Variants in ITPR3 observed in about 807,000 individuals in gnomAD.
The protein encoded by ITPR3 is inositol 1,4,5-trisphosphate-gated calcium channel ITPR3.
Under a neutral mutation model 293.2 loss-of-function variants are expected in ITPR3, and 173 were observed. The ratio of observed to expected loss-of-function variants is 0.59; its 90% CI spans 0.52 to 0.67. The LOEUF (loss-of-function observed/expected upper bound fraction) is 0.67. Ranked by LOEUF, ITPR3 falls within the 30% of genes least tolerant of loss-of-function variation. The pLI is 0.00. For missense variants in ITPR3, 2,796 were observed against 3,592.1 expected, an observed-to-expected ratio of 0.78 and a Z score of 5.66; for synonymous variants, 1,295 against 1,444.4, an observed-to-expected ratio of 0.90 and a Z score of 2.35.
At chr6:33,681,935 C>T (rs1044207889) in intron 33 of ITPR3, among the ~76,000 whole-genome samples, 1 of 151,684 alleles carries the variant, frequency 6.6e-6, no homozygotes, top group Non-Finnish European at 1.5e-5. Flanking sequence ...GGCTAGAGTG[C>T]AGTAGCACAA....
intron 7 of ITPR3, among the ~76,000 whole-genome samples, chr6:33,660,745 G>A (rs4711335): frequency 0.96 from 146,225 of 152,220 alleles, 70,377 homozygotes; most frequent in East Asian, 1. Context: ...CCTGGCCAAC[G>A]TGGAGAAAGC....
At chr6:33,681,313 G>A (rs957654389) in intron 33 of ITPR3, among the ~76,000 whole-genome samples, 6 of 152,226 alleles carry the variant, frequency 3.9e-5, no homozygotes, top group Non-Finnish European at 7.3e-5. Context: ...TAAGGCAGAC[G>A]TGCCATCCAT....
At chr6:33,644,311 T>C (rs1270093079) in intron 2 of ITPR3, among the ~76,000 whole-genome samples, 1 of 151,268 alleles carries the variant, frequency 6.6e-6, no homozygotes, top group Non-Finnish European at 1.5e-5. Flanking sequence ...TAAGTAGAGA[T>C]GGGGTTTCAC....
chr6:33,668,191 A>G (rs1344307062), intron 16 of ITPR3, among the ~76,000 whole-genome samples: 1 of 152,220 alleles, frequency 6.6e-6, no homozygotes, highest in Non-Finnish European at 1.5e-5. Context: ...TTGTACCACT[A>G]GAGGCCCCCA....
chr6:33,677,629 G>A lies in ITPR3; in HGVS notation c.3648G>A (p.Lys1216=). The change falls in exon 28 of 58, where the codon AAG becomes AAA. Residue 1216 remains lysine (K), a splice_region_variant and synonymous_variant. Coordinates refer to ENST00000605930, the MANE Select transcript of ITPR3 (RefSeq NM_002224.4). ...ACCTGCTGCAGATCCCCTATGACAA[G>A]GTGGCTCTGACTTCTGACCTCTGAC... ...MLDLLQIPYD[K]GDAKMMEILR... 1.9e-6 allele frequency: 3 copies of A among 1,613,392 alleles called. 1 individual carries two copies. Among genetic ancestry groups the A allele is most frequent in the Non-Finnish European group, 2.5e-6 (3 of 1,179,554 alleles).
rs1315455816 is a variant in ITPR3, at chr6:33,632,497, A to G, written c.90-7987A>G. On this transcript the variant is annotated intron_variant, in intron 1 of 57. Coordinates refer to ENST00000605930, the MANE Select transcript of ITPR3 (RefSeq NM_002224.4). The surrounding 1 kb of genome is among the most constrained non-coding windows in gnomAD (Gnocchi z 4.1). Reference sequence around the variant, plus strand: ...AAGTCCACGCAGGGTGGAATGGGGCAGAATGGGATGCAGCTGTCTTCCTCT... The same window carrying G: ...AAGTCCACGCAGGGTGGAATGGGGCGGAATGGGATGCAGCTGTCTTCCTCT... 6.6e-6 allele frequency among the ~76,000 whole-genome samples: 1 copy of G among 152,204 alleles called. No homozygotes were observed. Among genetic ancestry groups the G allele is most frequent in the Non-Finnish European group, 1.5e-5 (1 of 68,030 alleles).
chr6:33,653,145 C>G (rs564286265), intron 2 of ITPR3, among the ~76,000 whole-genome samples: 1 of 151,754 alleles, frequency 6.6e-6, no homozygotes, highest in African/African-American at 2.4e-5. Flanking sequence ...TTGGCTCAAG[C>G]GAACCTCCTG....
Position 33,688,339 on chromosome 6 carries a change from C to T in ITPR3, c.6476C>T (p.Thr2159Ile). 1.2e-6 allele frequency: 2 copies of T among 1,613,916 alleles called. No homozygotes were observed. Among genetic ancestry groups the T allele is most frequent in the Non-Finnish European group, 1.7e-6 (2 of 1,179,998 alleles). Residue 2159 changes from threonine to isoleucine, a missense_variant, in exon 48 of 58, where the codon ACT becomes ATT. Coordinates refer to ENST00000605930, the MANE Select transcript of ITPR3 (RefSeq NM_002224.4). ...ACCAAGCACCGGCTCTTCACCACTA[C>T]TGAGCAGGACGAGCAGGGCAGCAAA... Reference protein sequence around the residue: ...EETKHRLFTTTEQDEQGSKVS... With the variant: ...EETKHRLFTTIEQDEQGSKVS...
In ITPR3 at chr6:33,624,597, C is replaced by T. The variant is rs1200617384; in HGVS notation, c.89+2906C>T. 6.6e-6 allele frequency among the ~76,000 whole-genome samples: 1 copy of T among 152,264 alleles called. No individual in the cohort carries two copies. The highest frequency in any genetic ancestry group is 6.5e-5 in the Admixed American group (1 of 15,292). ...ATCCTCCTCAGAATCCTTCTGCCTC[C>T]TTTCTGAACTCTGGTCCCCTCTGCT... is the stretch of plus-strand genomic sequence containing the variant. On this transcript the variant is annotated intron_variant, in intron 1 of 57. Coordinates refer to ENST00000605930, the MANE Select transcript of ITPR3 (RefSeq NM_002224.4). The surrounding 1 kb of genome is among the most constrained non-coding windows in gnomAD (Gnocchi z 4.7).
chr6:33,621,490 C>A lies in ITPR3; in HGVS notation c.-113C>A, dbSNP rs1763434660. 1.5e-6 allele frequency: 1 copy of A among 686,136 alleles called. No individual in the cohort carries two copies. The highest frequency in any genetic ancestry group is 2.4e-6 in the Non-Finnish European group (1 of 414,028). 42.5% of individuals were successfully genotyped at this position (686,136 alleles called of 1,614,324 possible). On this transcript the variant is annotated 5_prime_UTR_variant, in exon 1 of 58. Transcript: ENST00000605930. The surrounding 1 kb of genome is among the most constrained non-coding windows in gnomAD (Gnocchi z 7.7). ...CCCCGGCCGCACCGAGCGTCGGGAT[C>A]CGAGGTGGGAGCGTACCCCTCCCCG...
In ITPR3 at chr6:33,694,707, GC is replaced by G; in HGVS notation, c.7786-215del. 8.8e-6 allele frequency: 5 copies of G among 568,636 alleles called. No homozygotes were observed. In the Admixed American group the frequency reaches 9.9e-5, roughly 11 times the overall value. 35.2% of individuals were successfully genotyped at this position (568,636 alleles called of 1,614,324 possible). On this transcript the variant is annotated intron_variant, in intron 56 of 57. Transcript: ENST00000605930. Reference sequence around the variant, plus strand: ...TGCCGACGCTGCCTAACGGAAGTCAGCCTGTCTCGGTGGCAGAGGGTTGACA... The same window carrying G: ...TGCCGACGCTGCCTAACGGAAGTCAGCTGTCTCGGTGGCAGAGGGTTGACA...
Position 33,658,643 on chromosome 6 carries a change from C to T in ITPR3, c.370-27C>T, listed in dbSNP as rs1455425264. The T allele has an allele frequency of 1.9e-6, 3 of 1,611,340 alleles. 1 individual carries two copies. Among genetic ancestry groups the T allele is most frequent in the Admixed American group, 3.3e-5 (2 of 59,922 alleles). On this transcript the variant is annotated intron_variant, in intron 4 of 57. Coordinates refer to ENST00000605930, the MANE Select transcript of ITPR3 (RefSeq NM_002224.4). The surrounding 1 kb of genome is among the most constrained non-coding windows in gnomAD (Gnocchi z 6.1). ...TGGGCCGACTCCTGTGGCGCGGTGA[C>T]CTTCCCGCACCCCACCTGACCCCCA...
At chr6:33,677,367 A>G (rs1384221665) in intron 27 of ITPR3, 137 bp from the exon 28 acceptor site, 1 of 1,184,130 alleles carries the variant, frequency 8.4e-7, no homozygotes, top group East Asian at 2.4e-5. Flanking sequence ...AGCCTGTTGC[A>G]AGGGTCTGAT....
At chr6:33,644,665 T>G (rs1171610217) in intron 2 of ITPR3, among the ~76,000 whole-genome samples, 4 of 121,662 alleles carry the variant, frequency 3.3e-5, no homozygotes, top group East Asian at 2.0e-4. Context: ...AATATAGGTT[T>G]TTTTTTTTTT....
chr6:33,690,081 C>T lies in ITPR3; in HGVS notation c.6915C>T (p.Gly2305=), dbSNP rs747220127. ...TGGTGAGCTTCGTGGGCAACCGTGG[C>T]ACCTTCATCCGGGGCTATAAGGCCA... ...VFVVSFVGNR[G]TFIRGYKAMV... Residue 2305 remains glycine (G), a synonymous_variant, in exon 51 of 58, where the codon GGC becomes GGT. Coordinates refer to ENST00000605930, the MANE Select transcript of ITPR3 (RefSeq NM_002224.4). The T allele has an allele frequency of 7.4e-6, 12 of 1,614,226 alleles. No individual in the cohort carries two copies. The highest frequency in any genetic ancestry group is 1.0e-5 in the Non-Finnish European group (12 of 1,180,040).
In ITPR3 at chr6:33,682,618, C is replaced by G; in HGVS notation, c.4571C>G (p.Ala1524Gly). 2 of 1,598,696 alleles carry G rather than the reference C, an allele frequency of 1.3e-6. No homozygotes were observed. The part of the protein sequence containing the change: ...LQQQHKGSVE[A>G]CIRTLAMVAK... ...CAGCAGCACAAGGGCTCCGTGGAGG[C>G]CTGCATCCGGACCCTCGCCATGGTG... is the stretch of plus-strand genomic sequence containing the variant. The change falls in exon 34 of 58, where the codon GCC becomes GGC. Residue 1524 changes from alanine to glycine, a missense_variant. Transcript: ENST00000605930. This position sits in a 1 kb window ranked among gnomAD's most constrained non-coding sequence, Gnocchi z 5.4.
chr6:33,692,926 A>G lies in ITPR3; in HGVS notation c.7624+33A>G, dbSNP rs1384327125. ...CTGCTTCCTGCTCTGTGGAGGCCGC[A>G]GCGGGGCTGGAACGTCATCTGATGC... On this transcript the variant is annotated intron_variant, in intron 55 of 57. Coordinates refer to ENST00000605930, the MANE Select transcript of ITPR3 (RefSeq NM_002224.4). The surrounding 1 kb of genome is among the most constrained non-coding windows in gnomAD (Gnocchi z 4.2). 4.4e-6 allele frequency: 7 copies of G among 1,608,066 alleles called. No individual in the cohort carries two copies. The highest frequency in any genetic ancestry group is 4.5e-5 in the East Asian group (2 of 44,784).
At chr6:33,657,870 G>A in intron 3 of ITPR3, 62 bp from the exon 4 acceptor site, 2 of 1,388,650 alleles carry the variant, frequency 1.4e-6, no homozygotes, top group Admixed American at 1.8e-5. Flanking sequence ...TGGGGCTGGG[G>A]TATGTCTTCC....
intron 57 of ITPR3, chr6:33,695,430 CTT>C (rs1205713063): frequency 1.8e-6 from 1 of 569,040 alleles, no homozygotes; most frequent in East Asian, 2.9e-5. Context: ...TAGACATCCT[CTT>C]CTGCATCTGG....
Sources: allele counts gnomAD v4.1 joint callset (sites outside exome capture counted in the v4.1 genomes callset), GRCh38; gene constraint gnomAD v4.1.1; non-coding constraint Gnocchi (gnomAD v3.1); transcripts MANE v1.5; gene names NCBI Gene and HGNC (gene_info 2026-07-23, HGNC 2026-07-21).